The following KIAA1671 variants were observed in gnomAD, a reference collection of about 807,000 sequenced individuals.
KIAA1671 encodes the protein uncharacterized protein KIAA1671.
A neutral mutation model predicts 131.2 loss-of-function variants in KIAA1671; 52 were observed. The ratio of observed to expected loss-of-function variants is 0.40; its 90% CI spans 0.32 to 0.50. The LOEUF (loss-of-function observed/expected upper bound fraction) is 0.50. Among genes scored for constraint, KIAA1671 ranks in the 20% least tolerant of loss-of-function variants. KIAA1671 has a pLI of 0.73. For synonymous variants in KIAA1671, 1,003 were observed against 961.6 expected (o/e 1.04, Z -0.80); for missense variants, 2,360 against 2,364.2 (o/e 1.00, Z 0.04).
At chr22:25,165,945 GC>G (rs1933631576) in intron 6 of KIAA1671, among the ~76,000 whole-genome samples, 1 of 152,124 alleles carries the variant, frequency 6.6e-6, no homozygotes. Flanking sequence ...AGCCCACCAG[GC>G]CCCGCACCCA....
rs1934850438 is a variant in KIAA1671, at chr22:25,197,014, G to C, written c.*4613G>C. 1 of 151,796 alleles carries C rather than the reference G, an allele frequency of 6.6e-6. No individual in the cohort carries two copies. The highest frequency in any genetic ancestry group is 1.5e-5 in the Non-Finnish European group (1 of 67,986). The allele number at this position is 151,796 out of a possible 1,614,324, so 9.4% of individuals were successfully genotyped here. A position where few individuals can be genotyped will look rare whatever the true frequency, so the allele number is the denominator to read the frequency against. On this transcript the variant is annotated 3_prime_UTR_variant, in exon 13 of 13. Transcript: ENST00000358431. ...ATATATTTTCCTAACCTTTCTTCTG[G>C]GTCCTTCCTCAGATCTTTGAGTCAC...
At chr22:24,998,238 A>G (rs928847559) in intron 1 of KIAA1671, among the ~76,000 whole-genome samples, 1 of 151,924 alleles carries the variant, frequency 6.6e-6, no homozygotes, top group African/African-American at 2.4e-5. Flanking sequence ...CCATCTCTAC[A>G]AAAAAATAAA....
At chr22:25,067,201 C>A (rs1322835770) in intron 6 of KIAA1671, among the ~76,000 whole-genome samples, 1 of 152,044 alleles carries the variant, frequency 6.6e-6, no homozygotes, top group African/African-American at 2.4e-5. Context: ...CCCAGCGGTG[C>A]TCCCCTCCCC....
chr22:25,120,768 A>T (rs1206336100), intron 6 of KIAA1671, among the ~76,000 whole-genome samples: 1 of 152,178 alleles, frequency 6.6e-6, no homozygotes, highest in East Asian at 1.9e-4. Flanking sequence ...TATATCCTTT[A>T]AAAAATGTGA....
chr22:25,099,110 T>C (rs1480225037), intron 6 of KIAA1671, among the ~76,000 whole-genome samples: 1 of 152,200 alleles, frequency 6.6e-6, no homozygotes, highest in Non-Finnish European at 1.5e-5. Context: ...GGCCTCCAAG[T>C]CAGACTTTGC....
chr22:25,182,707 T>C (rs182340461), intron 10 of KIAA1671, among the ~76,000 whole-genome samples: 8 of 152,342 alleles, frequency 5.3e-5, no homozygotes, highest in African/African-American at 1.9e-4. Context: ...TCTGGTGTCA[T>C]AGCTAAGCCT....
At chr22:25,181,111 C>T (rs1375058407) in intron 9 of KIAA1671, among the ~76,000 whole-genome samples, 1 of 152,172 alleles carries the variant, frequency 6.6e-6, no homozygotes, top group African/African-American at 2.4e-5. Flanking sequence ...CCCATGCCAG[C>T]ATCCTGGTCT....
At chr22:25,141,120 C>T (rs1428761535) in intron 6 of KIAA1671, among the ~76,000 whole-genome samples, 4 of 152,138 alleles carry the variant, frequency 2.6e-5, no homozygotes, top group African/African-American at 4.8e-5. Flanking sequence ...CAAATTACCC[C>T]TATATTTTTA....
At chr22:25,089,051 A>G (rs932612920) in intron 6 of KIAA1671, among the ~76,000 whole-genome samples, 20 of 152,176 alleles carry the variant, frequency 1.3e-4, no homozygotes, top group Non-Finnish European at 4.4e-5. Flanking sequence ...TCCCTAAACA[A>G]TACAGCATAA....
At chr22:25,066,036 G>T (rs1350097193) in intron 6 of KIAA1671, among the ~76,000 whole-genome samples, 4 of 152,182 alleles carry the variant, frequency 2.6e-5, no homozygotes, top group African/African-American at 9.7e-5. Context: ...TTTCTGGCAA[G>T]GACCTGCTTG....
Position 24,983,302 on chromosome 22 carries a change from G to A in KIAA1671, c.-208+30530G>A, listed in dbSNP as rs117577687. ...TCAGAGCCACACTGCTTCAAAGGCT[G>A]TAAAAGAGAATCCCTCCTTTCTTCT... On this transcript the variant is annotated intron_variant, in intron 1 of 12. Transcript: ENST00000358431. Among the ~76,000 whole-genome samples the A allele has an allele frequency of 4.1e-3, 626 of 152,318 alleles. 2 individuals are homozygous for A. The highest frequency in any genetic ancestry group is 7.5e-3 in the Non-Finnish European group (508 of 68,036).
intron 6 of KIAA1671, among the ~76,000 whole-genome samples, chr22:25,106,856 T>TAA (rs1931031811): frequency 6.6e-6 from 1 of 152,244 alleles, no homozygotes; most frequent in Admixed American, 6.5e-5. Flanking sequence ...GCAAGTCCCT[T>TAA]TTTGAATAAT....
intron 6 of KIAA1671, among the ~76,000 whole-genome samples, chr22:25,113,982 C>G (rs1012499283): frequency 7.2e-5 from 11 of 152,166 alleles, no homozygotes; most frequent in African/African-American, 2.7e-4. Context: ...CCCTCTTTCC[C>G]CACCCTGGGG....
At chr22:25,016,289 G>T (rs1283999787) in intron 1 of KIAA1671, among the ~76,000 whole-genome samples, 1 of 152,070 alleles carries the variant, frequency 6.6e-6, no homozygotes, top group East Asian at 1.9e-4. Flanking sequence ...AAAGTGCTGG[G>T]ATTACAGGCG....
chr22:25,075,309 T>C (rs1447854618), intron 6 of KIAA1671, among the ~76,000 whole-genome samples: 1 of 152,192 alleles, frequency 6.6e-6, no homozygotes, highest in African/African-American at 2.4e-5. Context: ...GCACCAAGAA[T>C]GATCCTGGCC....
chr22:24,983,841 C>T (rs1441997898), intron 1 of KIAA1671, among the ~76,000 whole-genome samples: 3 of 147,102 alleles, frequency 2.0e-5, no homozygotes, highest in African/African-American at 5.1e-5. Context: ...TGCAATGGTG[C>T]GATCTCGGCT....
At chr22:25,006,787 T>G (rs1924772334) in intron 1 of KIAA1671, among the ~76,000 whole-genome samples, 1 of 152,206 alleles carries the variant, frequency 6.6e-6, no homozygotes, top group Non-Finnish European at 1.5e-5. Flanking sequence ...TCACTCTGTT[T>G]CTGTCCTCAC....
chr22:25,116,841 C>T (rs1931689455), intron 6 of KIAA1671, among the ~76,000 whole-genome samples: 1 of 152,182 alleles, frequency 6.6e-6, no homozygotes, highest in Non-Finnish European at 1.5e-5. Context: ...GATAATAAAA[C>T]ACATCAGAAT....
At chr22:25,158,382 C>T (rs999813667) in intron 6 of KIAA1671, among the ~76,000 whole-genome samples, 2 of 152,180 alleles carry the variant, frequency 1.3e-5, no homozygotes, top group Non-Finnish European at 2.9e-5. Flanking sequence ...ACCCCAGTTC[C>T]TGACCTCAGG....
Sources: gnomAD v4.1 joint callset for allele counts (sites outside exome capture counted in the v4.1 genomes callset) on GRCh38, gnomAD v4.1.1 for gene constraint, MANE v1.5 for transcripts, NCBI Gene and HGNC (gene_info 2026-07-23, HGNC 2026-07-21) for gene names.